The following EPHA2 variants were observed in gnomAD, a reference collection of about 807,000 sequenced individuals.
EPHA2 encodes the protein ephrin type-A receptor 2.
In EPHA2, 54 loss-of-function variants were observed where a neutral mutation model predicts 104.9. The ratio of observed to expected loss-of-function variants is 0.51; its 90% confidence interval spans 0.41 to 0.65. The LOEUF is 0.65. Ranked by LOEUF, EPHA2 falls within the 30% of genes least tolerant of loss-of-function variation. The pLI is 0.00. For missense variants in EPHA2, 1,117 were observed against 1,369.5 expected (o/e 0.82, Z 2.91); for synonymous variants, 560 against 559.1 (o/e 1.00, Z -0.02).
rs938783223 is a variant in EPHA2 at position 16,134,876 on chromosome 1, C to T, written c.1582+160G>A. 2.0e-5 allele frequency among the ~76,000 whole-genome samples: 3 copies of T among 152,234 alleles called. No individual in the cohort carries two copies. Among genetic ancestry groups the T allele is most frequent in the Non-Finnish European group, 4.4e-5 (3 of 68,034 alleles). ...ACCCCTCAGCCTTCCATGCTTCCCC[C>T]TCCCCAGGCTTGGGGGCAGTCCCCG... is the stretch of plus-strand genomic sequence containing the variant. On this transcript the variant is annotated intron_variant, in intron 7 of 16. Transcript: ENST00000358432. This position sits in a 1 kb window ranked among gnomAD's most constrained non-coding sequence, Gnocchi z 4.5.
intron 5 of EPHA2, among the ~76,000 whole-genome samples, chr1:16,136,711 GAA>G (rs759336831): frequency 0.072 from 2,977 of 41,422 alleles, 190 homozygotes; most frequent in African/African-American, 0.32. Context: ...AGAAGAAGAA[GAA>G]AAGAAGAAGA....
intron 1 of EPHA2, among the ~76,000 whole-genome samples, chr1:16,154,336 A>G (rs913498416): frequency 5.3e-5 from 8 of 151,804 alleles, no homozygotes; most frequent in Non-Finnish European, 1.2e-4. Flanking sequence ...GGGCCCTGTC[A>G]CTCCAGAGAC....
chr1:16,139,107 C>A (rs2024775529), intron 3 of EPHA2, among the ~76,000 whole-genome samples: 1 of 152,244 alleles, frequency 6.6e-6, no homozygotes, highest in Non-Finnish European at 1.5e-5. Context: ...CAGGAAGTGA[C>A]TCTTCCTCCC....
chr1:16,154,638 C>G (rs538727759), intron 1 of EPHA2, among the ~76,000 whole-genome samples: 1 of 151,412 alleles, frequency 6.6e-6, no homozygotes, highest in East Asian at 2.0e-4. Context: ...ACCTGTAATC[C>G]CAGCTACTAG....
rs372204967 is a variant in EPHA2, at chr1:16,133,930, C to A, written c.1683-15G>T. 2 of 1,550,530 alleles carry A rather than the reference C, an allele frequency of 1.3e-6. No individual in the cohort carries two copies. Among genetic ancestry groups the A allele is most frequent in the Non-Finnish European group, 1.7e-6 (2 of 1,146,436 alleles). On this transcript the variant is annotated splice_polypyrimidine_tract_variant and intron_variant, in intron 8 of 16. Coordinates refer to ENST00000358432, the MANE Select transcript of EPHA2 (RefSeq NM_004431.5). ...GGTTCTTCCTCCTGAAAGAGCCCCA[C>A]GGGGAACCAAATGCAGGGAGGTCAG...
intron 1 of EPHA2, among the ~76,000 whole-genome samples, chr1:16,154,830 G>A (rs1033163191): frequency 5.3e-5 from 8 of 151,924 alleles, no homozygotes; most frequent in African/African-American, 1.9e-4. Flanking sequence ...CCCCCTTGTG[G>A]AGCCTGCGGA....
At position 16,135,819 on chromosome 1, in the gene EPHA2, C is replaced by T. The variant is rs1211488548; in HGVS notation, c.1313-49G>A. The T allele has an allele frequency of 1.1e-6, 1 of 938,112 alleles. No homozygotes were observed. 58.1% of individuals were successfully genotyped at this position (938,112 alleles called of 1,614,324 possible). On this transcript the variant is annotated intron_variant, in intron 5 of 16. Transcript: ENST00000358432. This position sits in a 1 kb window ranked among gnomAD's most constrained non-coding sequence, Gnocchi z 4.3. ...AAGTGGGTAAGAAGCTGCCTACGAG[C>T]AGGCAGGGTTTGGGGGGACAAGTGG...
chr1:16,137,116 A>T (rs2024727057), intron 5 of EPHA2, among the ~76,000 whole-genome samples: 1 of 152,054 alleles, frequency 6.6e-6, no homozygotes, highest in African/African-American at 2.4e-5. Flanking sequence ...CTCAATTATT[A>T]TCCCACTTTA....
At chr1:16,143,880 C>T (rs2024876086) in intron 3 of EPHA2, among the ~76,000 whole-genome samples, 1 of 152,214 alleles carries the variant, frequency 6.6e-6, no homozygotes, top group African/African-American at 2.4e-5. Flanking sequence ...ACCTCAGGCC[C>T]TGGTGGCTTC....
In EPHA2 at chr1:16,129,533, A is replaced by G. The variant is rs761515968; in HGVS notation, c.2726T>C (p.Val909Ala). The G allele has an allele frequency of 1.1e-5, 17 of 1,613,426 alleles. No individual in the cohort carries two copies. The South Asian group carries it at 1.8e-4, about 17-fold the overall frequency. ...SGSEGVPFRT[V>A]SEWLESIKMQ... is the part of the protein sequence containing the mutation. ...CTTGATGGACTCCAGCCACTCGGAC[A>G]CCGTGCGGAAGGGCACCCCCTCCGA... Residue 909 changes from valine to alanine, a missense_variant, in exon 16 of 17, where the codon GTG becomes GCG. Around this residue, in one of 3 missense-constraint regions of EPHA2, gnomAD observed 340 missense variants for 480.5 expected, o/e 0.71. Coordinates refer to ENST00000358432, the MANE Select transcript of EPHA2 (RefSeq NM_004431.5).
Position 16,125,034 on chromosome 1 carries a change from A to T in EPHA2, c.*181T>A. Reference sequence around the variant, plus strand: ...GCAGGGAAAGAGGGCCCAGCCCAGCATCCCTGGTCATCTCCTCAGTTCAGG... The same window carrying T: ...GCAGGGAAAGAGGGCCCAGCCCAGCTTCCCTGGTCATCTCCTCAGTTCAGG... On this transcript the variant is annotated 3_prime_UTR_variant, in exon 17 of 17. Transcript: ENST00000358432. This position sits in a 1 kb window ranked among gnomAD's most constrained non-coding sequence, Gnocchi z 4.9. The T allele has an allele frequency of 3.1e-6, 2 of 647,624 alleles. No individual in the cohort carries two copies. Among genetic ancestry groups the T allele is most frequent in the Non-Finnish European group, 5.6e-6 (2 of 354,844 alleles). The allele number at this position is 647,624 out of a possible 1,614,324, so 40.1% of individuals were successfully genotyped here.
chr1:16,143,175 GATGGATGGATGGATGA>G (rs1172259916), intron 3 of EPHA2, among the ~76,000 whole-genome samples: 9 of 151,214 alleles, frequency 6.0e-5, no homozygotes, highest in Non-Finnish European at 1.0e-4. Context: ...TGGATGGATG[GATGGATGGATGGATGA>G]ATGGATGGAT....
chr1:16,148,732 C>T lies in EPHA2; in HGVS notation c.469G>A (p.Glu157Lys), dbSNP rs764156192. 15 of 1,613,700 alleles carry T rather than the reference C, an allele frequency of 9.3e-6. No individual in the cohort carries two copies. The Admixed American group carries it at 1.0e-4, about 11-fold the overall frequency. ...PDEITVSSDF[E>K]ARHVKLNVEE... ...ACGTTCAGCTTCACGTGGCGTGCCT[C>T]GAAGTCGCTGCTGACGGTGATCTCA... is the stretch of plus-strand genomic sequence containing the variant. The change falls in exon 3 of 17, where the codon GAG becomes AAG. Residue 157 changes from glutamate (E) to lysine (K), a missense_variant. This residue lies in a region of EPHA2 where 664 missense variants were observed against 784.8 expected (regional missense o/e 0.85). Coordinates refer to ENST00000358432, the MANE Select transcript of EPHA2 (RefSeq NM_004431.5). This position sits in a 1 kb window ranked among gnomAD's most constrained non-coding sequence, Gnocchi z 4.9.
Position 16,148,347 on chromosome 1 carries a change from C to A in EPHA2, c.823+31G>T. Reference sequence around the variant, plus strand: ...GACCAGAACCTGGGAATGCAGAACCCCCTTCCCTGCAACCCAGAACCGTCA... The same window carrying A: ...GACCAGAACCTGGGAATGCAGAACCACCTTCCCTGCAACCCAGAACCGTCA... On this transcript the variant is annotated intron_variant, in intron 3 of 16. Transcript: ENST00000358432. The surrounding 1 kb of genome is among the most constrained non-coding windows in gnomAD (Gnocchi z 4.9). 6.2e-7 allele frequency: 1 copy of A among 1,612,074 alleles called. No homozygotes were observed.
chr1:16,153,019 G>C, intron 1 of EPHA2: 3 of 621,236 alleles, frequency 4.8e-6, no homozygotes, highest in Non-Finnish European at 6.0e-6. Flanking sequence ...CTCTGGAAAG[G>C]GTGGGAGCCT....
In EPHA2 at chr1:16,153,394, C is replaced by A. The variant is rs2025082615; in HGVS notation, c.86-2431G>T. 11 of 921,570 alleles carry A rather than the reference C, an allele frequency of 1.2e-5. No individual in the cohort carries two copies. In the African/African-American group the frequency reaches 1.6e-4, roughly 13 times the overall value. 57.1% of individuals were successfully genotyped at this position (921,570 alleles called of 1,614,324 possible). On this transcript the variant is annotated intron_variant, in intron 1 of 16. Transcript: ENST00000358432. ...AACATGAAAGAAAAGGGAAAGGGGACAGAGGGCAGACTTGGCCCCGGTAGA... is the reference window on the plus strand; with the variant it reads ...AACATGAAAGAAAAGGGAAAGGGGAAAGAGGGCAGACTTGGCCCCGGTAGA...
At position 16,149,002 on chromosome 1, in the gene EPHA2, A is replaced by C; in HGVS notation, c.199T>G (p.Tyr67Asp). Residue 67 changes from tyrosine (Y) to aspartate (D), a missense_variant, in exon 3 of 17, where the codon TAC becomes GAC. Physicochemically the swap from Tyr to Asp is radical, Grantham distance 160. Transcript: ENST00000358432. ...CCAGACATCACGTTGCACACGGAGTACATGTAGATCGGCATGTCATTCATG... is the reference window on the plus strand; with the variant it reads ...CCAGACATCACGTTGCACACGGAGTCCATGTAGATCGGCATGTCATTCATG... Reference protein sequence around the residue: ...NIMNDMPIYMYSVCNVMSGDQ... With the variant: ...NIMNDMPIYMDSVCNVMSGDQ... The C allele has an allele frequency of 6.2e-7, 1 of 1,614,032 alleles. No individual in the cohort carries two copies. The highest frequency in any genetic ancestry group is 8.5e-7 in the Non-Finnish European group (1 of 1,180,030).
intron 1 of EPHA2, among the ~76,000 whole-genome samples, chr1:16,152,066 A>G (rs1325132053): frequency 6.6e-6 from 1 of 152,214 alleles, no homozygotes; most frequent in East Asian, 1.9e-4. Flanking sequence ...AGGAGATAGG[A>G]GAAACCGGGG....
chr1:16,133,175 C>G lies in EPHA2; in HGVS notation c.2053+5G>C, dbSNP rs774823678. On this transcript the variant is annotated splice_donor_5th_base_variant and intron_variant, in intron 11 of 16. Transcript: ENST00000358432. ...CACCCAGTGTGGGCAGGCCCCAAGC[C>G]TCACATTTGGAGATGACGCCCTCTA... 1 of 1,613,188 alleles carries G rather than the reference C, an allele frequency of 6.2e-7. No homozygotes were observed. Among genetic ancestry groups the G allele is most frequent in the South Asian group, 1.1e-5 (1 of 91,086 alleles).
Sources: gnomAD v4.1 joint callset for allele counts (sites outside exome capture counted in the v4.1 genomes callset) on GRCh38, gnomAD v4.1.1 for gene constraint, gnomAD v4.1.1 regional missense constraint, Gnocchi (gnomAD v3.1) non-coding constraint, MANE v1.5 for transcripts, NCBI Gene and HGNC (gene_info 2026-07-23, HGNC 2026-07-21) for gene names.